CAMTA1: variants seen among roughly 807,000 people sequenced by gnomAD.
CAMTA1 encodes calmodulin-binding transcription activator 1.
CAMTA1 carries 27 observed loss-of-function variants against 170.9 expected under a neutral mutation model. The ratio of observed to expected loss-of-function variants is 0.16; its 90% confidence interval spans 0.12 to 0.22. CAMTA1 has a LOEUF of 0.22. CAMTA1 is among the 10% of genes least tolerant of loss of function. The pLI, the probability that CAMTA1 is intolerant of heterozygous loss-of-function variation, is 1.00. For missense variants in CAMTA1, 1,619 were observed against 2,217.2 expected, an observed-to-expected ratio of 0.73 and a Z score of 5.42; for synonymous variants, 833 against 891.5, an observed-to-expected ratio of 0.93 and a Z score of 1.17.
At chr1:6,999,732 C>T (rs1198505051) in intron 3 of CAMTA1, among the ~76,000 whole-genome samples, 1 of 152,136 alleles carries the variant, frequency 6.6e-6, no homozygotes, top group African/African-American at 2.4e-5. Flanking sequence ...CCCTGTGAGC[C>T]ATAGCTGCCT....
intron 3 of CAMTA1, among the ~76,000 whole-genome samples, chr1:7,057,680 C>A (rs999252909): frequency 6.6e-6 from 1 of 152,190 alleles, no homozygotes; most frequent in Non-Finnish European, 1.5e-5. Flanking sequence ...TTATGTGAGG[C>A]CTTTCTTTGA....
intron 5 of CAMTA1, among the ~76,000 whole-genome samples, chr1:7,351,857 C>A (rs1024863671): frequency 6.6e-6 from 1 of 152,258 alleles, no homozygotes; most frequent in South Asian, 2.1e-4. Context: ...ATAAACAGAG[C>A]GTTATTACTA....
chr1:6,933,122 G>T (rs1186917366), intron 3 of CAMTA1, among the ~76,000 whole-genome samples: 1 of 151,652 alleles, frequency 6.6e-6, no homozygotes, highest in Non-Finnish European at 1.5e-5. Context: ...CCAGGCTGGA[G>T]TGCAGTAGCT....
At chr1:7,661,469 C>T (rs1053298370) in intron 7 of CAMTA1, among the ~76,000 whole-genome samples, 9 of 152,204 alleles carry the variant, frequency 5.9e-5, no homozygotes, top group Non-Finnish European at 1.3e-4. Context: ...GAACTCTATG[C>T]GGTCCACTCC....
Position 7,406,370 on chromosome 1 carries a change from A to G in CAMTA1, c.439-61460A>G, listed in dbSNP as rs1040303021. 9.2e-5 allele frequency among the ~76,000 whole-genome samples: 14 copies of G among 152,232 alleles called. 1 individual carries two copies. Among genetic ancestry groups the G allele is most frequent in the African/African-American group, 2.9e-4 (12 of 41,462 alleles). ...CTAACCAGTAGTAAGTGTTCCTGAA[A>G]GGTAGGACATGAGGCCAGAAGCCAC... On this transcript the variant is annotated intron_variant, in intron 5 of 22. Transcript: ENST00000303635.
Position 7,195,778 on chromosome 1 carries a change from G to A in CAMTA1, c.303-53713G>A, listed in dbSNP as rs1013552953. 3.9e-5 allele frequency among the ~76,000 whole-genome samples: 6 copies of A among 152,216 alleles called. No homozygotes were observed. Among genetic ancestry groups the A allele is most frequent in the African/African-American group, 1.4e-4 (6 of 41,460 alleles). Reference sequence around the variant, plus strand: ...TCATGCCTGTAATCCCAGCACTTTGGGAAGCCAAGGCAGGCAGATCACCTG... The same window carrying A: ...TCATGCCTGTAATCCCAGCACTTTGAGAAGCCAAGGCAGGCAGATCACCTG... On this transcript the variant is annotated intron_variant, in intron 4 of 22. Transcript: ENST00000303635. This position sits in a 1 kb window ranked among gnomAD's most constrained non-coding sequence, Gnocchi z 4.1.
chr1:7,367,123 A>G (rs1328725276), intron 5 of CAMTA1, among the ~76,000 whole-genome samples: 2 of 152,204 alleles, frequency 1.3e-5, no homozygotes, highest in African/African-American at 4.8e-5. Flanking sequence ...ATTATGAGAA[A>G]GAGACGGGGA....
At chr1:7,467,532 G>A (rs112782277) in intron 5 of CAMTA1, among the ~76,000 whole-genome samples, 3 of 152,192 alleles carry the variant, frequency 2.0e-5, no homozygotes, top group Admixed American at 6.5e-5. Context: ...AAATGCATAC[G>A]TAGGTACATT....
At chr1:7,392,436 G>A (rs192188988) in intron 5 of CAMTA1, among the ~76,000 whole-genome samples, 14 of 151,406 alleles carry the variant, frequency 9.2e-5, no homozygotes, top group African/African-American at 3.4e-4. Flanking sequence ...TGTATTTTTA[G>A]TAGAGTCCGG....
Position 7,429,010 on chromosome 1 carries a change from G to A in CAMTA1, c.439-38820G>A, listed in dbSNP as rs185223504. Among the ~76,000 whole-genome samples the A allele has an allele frequency of 1.8e-4, 27 of 152,320 alleles. No individual in the cohort carries two copies. In the East Asian group the frequency reaches 4.3e-3, roughly 24 times the overall value. ...GAAATACCCAGCACCTCTAATGGAC[G>A]CCTCTAATGGAGAAGTTTCCTCCCC... On this transcript the variant is annotated intron_variant, in intron 5 of 22. Transcript: ENST00000303635.
chr1:7,159,024 A>G (rs1647052335), intron 4 of CAMTA1, among the ~76,000 whole-genome samples: 1 of 152,158 alleles, frequency 6.6e-6, no homozygotes, highest in South Asian at 2.1e-4. Context: ...TTATAAATAC[A>G]GAACACACAT....
At chr1:7,486,183 T>G (rs912050019) in intron 6 of CAMTA1, among the ~76,000 whole-genome samples, 2 of 152,100 alleles carry the variant, frequency 1.3e-5, no homozygotes, top group African/African-American at 4.8e-5. Flanking sequence ...GATTTTGTCC[T>G]GCAAAGCAGT....
chr1:6,837,436 T>G (rs1311087001), intron 3 of CAMTA1, among the ~76,000 whole-genome samples: 1 of 152,136 alleles, frequency 6.6e-6, no homozygotes, highest in Non-Finnish European at 1.5e-5. Context: ...GGGACACTTT[T>G]TCAGAGAGAC....
chr1:7,654,706 CAA>C lies in CAMTA1; in HGVS notation c.665-7018_665-7017del, dbSNP rs1443895663. On this transcript the variant is annotated intron_variant, in intron 7 of 22. Coordinates refer to ENST00000303635, the MANE Select transcript of CAMTA1 (RefSeq NM_015215.4). ...ATGCACACAAACACCCCTATACACACAAACACACCCACCTATACACACACCCA... is the reference window on the plus strand; with the variant it reads ...ATGCACACAAACACCCCTATACACACACACACCCACCTATACACACACCCA... Among the ~76,000 whole-genome samples, 38 of 147,332 alleles carry C rather than the reference CAA, an allele frequency of 2.6e-4. 1 individual carries two copies. Among genetic ancestry groups the C allele is most frequent in the Admixed American group, 2.3e-3 (34 of 14,692 alleles).
In CAMTA1 at chr1:7,766,576, A is replaced by AACAC. The variant is rs1266747489; in HGVS notation, c.*90_*93dup. The AACAC allele has an allele frequency of 8.2e-7, 1 of 1,219,762 alleles. No homozygotes were observed. Among genetic ancestry groups the AACAC allele is most frequent in the East Asian group, 2.3e-5 (1 of 43,010 alleles). The allele number at this position is 1,219,762 out of a possible 1,614,324, so 75.6% of individuals were successfully genotyped here. ...GTTTTTAGCAGAGACATGCAACAAC[A>AACAC]ACACACACGCACACACGCACACACA... On this transcript the variant is annotated 3_prime_UTR_variant, in exon 23 of 23. Transcript: ENST00000303635.
In CAMTA1 at chr1:7,426,472, G is replaced by A. The variant is rs2091880305; in HGVS notation, c.439-41358G>A. ...TCTATTAATACTAAATAACTGCATC[G>A]ATTCGATTGATACTACTTGTTAGAT... is the stretch of plus-strand genomic sequence containing the variant. On this transcript the variant is annotated intron_variant, in intron 5 of 22. Transcript: ENST00000303635. The surrounding 1 kb of genome is among the most constrained non-coding windows in gnomAD (Gnocchi z 4.8). Among the ~76,000 whole-genome samples the A allele has an allele frequency of 6.6e-6, 1 of 152,182 alleles. No homozygotes were observed. The highest frequency in any genetic ancestry group is 2.4e-5 in the African/African-American group (1 of 41,434).
rs200145745 is a variant in CAMTA1, at chr1:6,878,869, A to G, written c.234+53659A>G. 2.0e-5 allele frequency among the ~76,000 whole-genome samples: 3 copies of G among 152,342 alleles called. No individual in the cohort carries two copies. In the East Asian group the frequency reaches 5.8e-4, roughly 29 times the overall value. On this transcript the variant is annotated intron_variant, in intron 3 of 22. Transcript: ENST00000303635. Reference sequence around the variant, plus strand: ...CATGTCATTTTCAGGCATTCAGTGCAGATAGGCAGCTGTGCAACGGGATTA... The same window carrying G: ...CATGTCATTTTCAGGCATTCAGTGCGGATAGGCAGCTGTGCAACGGGATTA...
chr1:7,028,139 A>G (rs1447207323), intron 3 of CAMTA1, among the ~76,000 whole-genome samples: 1 of 152,160 alleles, frequency 6.6e-6, no homozygotes, highest in Non-Finnish European at 1.5e-5. Context: ...TCCTGAATTC[A>G]GGGGATCCAC....
At chr1:6,902,078 A>C (rs796689459) in intron 3 of CAMTA1, among the ~76,000 whole-genome samples, 13,778 of 85,734 alleles carry the variant, frequency 0.16, 680 homozygotes, top group African/African-American at 0.18. Context: ...CACACAAAAA[A>C]AAAAATAAAA....
Sources: gnomAD v4.1 joint callset for allele counts (sites outside exome capture counted in the v4.1 genomes callset) on GRCh38, gnomAD v4.1.1 for gene constraint, Gnocchi (gnomAD v3.1) non-coding constraint, MANE v1.5 for transcripts, NCBI Gene and HGNC (gene_info 2026-07-23, HGNC 2026-07-21) for gene names.